Variants in PRKCA observed in about 807,000 individuals in gnomAD.
The protein encoded by PRKCA is protein kinase C alpha type.
Under a neutral mutation model 87.0 loss-of-function variants are expected in PRKCA, and 27 were observed. The observed-to-expected ratio is 0.31, with a 90% CI of 0.23 to 0.43. PRKCA has a LOEUF of 0.43. PRKCA is among the 20% of genes least tolerant of loss of function. The probability of loss-of-function intolerance (pLI) is 1.00; values close to 1 mark genes in which losing one functional copy is unlikely to be tolerated. For synonymous variants in PRKCA, 329 were observed against 311.1 expected (o/e 1.06, Z -0.61); for missense variants, 518 against 852.3 (o/e 0.61, Z 4.88).
chr17:66,338,345 T>C (rs1022078747), intron 2 of PRKCA, among the ~76,000 whole-genome samples: 7 of 152,180 alleles, frequency 4.6e-5, no homozygotes, highest in African/African-American at 1.7e-4. Context: ...TTTGACTTAC[T>C]GTGCAAAACC....
chr17:66,339,581 TTTAGATCCTTAATATTGTTCTTTCATTA>T (rs1795419914), intron 2 of PRKCA, among the ~76,000 whole-genome samples: 1 of 152,214 alleles, frequency 6.6e-6, no homozygotes, highest in South Asian at 2.1e-4. Flanking sequence ...TTCTGTTCAT[TTTAGATCCTTAATATTGTTCTTTCATTA>T]CTACTTGAGG....
intron 2 of PRKCA, among the ~76,000 whole-genome samples, chr17:66,475,818 A>G (rs780682546): frequency 2.0e-5 from 3 of 152,154 alleles, no homozygotes; most frequent in Non-Finnish European, 4.4e-5. Flanking sequence ...AGAGATTTTG[A>G]TTGCAGTCAA....
At chr17:66,796,504 G>C in intron 16 of PRKCA, 1 of 985,344 alleles carries the variant, frequency 1.0e-6, no homozygotes, top group Non-Finnish European at 1.2e-6. Flanking sequence ...CGGTGAGCAC[G>C]TTTCCAGAAC....
intron 2 of PRKCA, among the ~76,000 whole-genome samples, chr17:66,317,107 A>T (rs1277049871): frequency 6.6e-6 from 1 of 151,206 alleles, no homozygotes; most frequent in Non-Finnish European, 1.5e-5. Flanking sequence ...ACGCCACTGC[A>T]CTCCAGCCTG....
At chr17:66,411,874 A>G (rs1399767265) in intron 2 of PRKCA, among the ~76,000 whole-genome samples, 1 of 151,802 alleles carries the variant, frequency 6.6e-6, no homozygotes, top group African/African-American at 2.4e-5. Context: ...CTTTCTGGTA[A>G]TTTTTGAGAA....
Position 66,754,330 on chromosome 17 carries a change from T to A in PRKCA, c.1524+11570T>A, listed in dbSNP as rs564225454. On this transcript the variant is annotated intron_variant, in intron 13 of 16. Coordinates refer to ENST00000413366, the MANE Select transcript of PRKCA (RefSeq NM_002737.3). ...GAGGGCAGGGGCACCATCTCAGATG[T>A]CTTTGTCCCATTCACAGCTCCTTCT... Among the ~76,000 whole-genome samples the A allele has an allele frequency of 2.0e-3, 297 of 152,106 alleles. 3 individuals are homozygous for A. Among genetic ancestry groups the A allele is most frequent in the African/African-American group, 6.9e-3 (287 of 41,492 alleles).
intron 3 of PRKCA, among the ~76,000 whole-genome samples, chr17:66,560,252 T>A (rs1005419988): frequency 1.2e-4 from 18 of 146,852 alleles, no homozygotes; most frequent in African/African-American, 4.3e-4. Flanking sequence ...AAAAAAAAAA[T>A]ATGAAGAAAT....
chr17:66,773,723 C>G (rs1413536042), intron 13 of PRKCA, among the ~76,000 whole-genome samples: 1 of 152,078 alleles, frequency 6.6e-6, no homozygotes, highest in Non-Finnish European at 1.5e-5. Context: ...ATAATTAAAA[C>G]TACCTTCAGA....
At chr17:66,656,023 C>T (rs1971726275) in intron 5 of PRKCA, among the ~76,000 whole-genome samples, 2 of 152,112 alleles carry the variant, frequency 1.3e-5, no homozygotes, top group Non-Finnish European at 2.9e-5. Context: ...CATGCCATCC[C>T]ACAGATTGTT....
At chr17:66,602,893 C>T (rs1970091902) in intron 3 of PRKCA, among the ~76,000 whole-genome samples, 1 of 152,196 alleles carries the variant, frequency 6.6e-6, no homozygotes, top group Non-Finnish European at 1.5e-5. Flanking sequence ...GGCCTCTCCT[C>T]TTCCGGGGCG....
intron 2 of PRKCA, among the ~76,000 whole-genome samples, chr17:66,359,163 G>A (rs1271014141): frequency 1.3e-5 from 2 of 152,032 alleles, no homozygotes; most frequent in East Asian, 3.9e-4. Flanking sequence ...TTTGGGGAGA[G>A]CCAAGTAAAT....
intron 3 of PRKCA, among the ~76,000 whole-genome samples, chr17:66,613,430 A>G (rs1369500334): frequency 1.3e-5 from 2 of 152,214 alleles, no homozygotes; most frequent in Non-Finnish European, 2.9e-5. Context: ...AGACTCCACT[A>G]GTTTCCTAAA....
chr17:66,337,837 A>G (rs547372806), intron 2 of PRKCA, among the ~76,000 whole-genome samples: 1 of 152,186 alleles, frequency 6.6e-6, no homozygotes, highest in Non-Finnish European at 1.5e-5. Flanking sequence ...GCTTGACTCC[A>G]TGGAATTCTT....
chr17:66,764,326 C>T (rs1974750799), intron 13 of PRKCA, among the ~76,000 whole-genome samples: 1 of 152,208 alleles, frequency 6.6e-6, no homozygotes, highest in African/African-American at 2.4e-5. Context: ...AGTTAGAAAG[C>T]TCCTGGAGTC....
intron 2 of PRKCA, among the ~76,000 whole-genome samples, chr17:66,318,965 TA>T (rs1347032783): frequency 3.8e-3 from 23 of 6,018 alleles, no homozygotes; most frequent in Non-Finnish European, 2.1e-3. Context: ...TACAAAAAAA[TA>T]TTTTTTGTAA....
intron 2 of PRKCA, among the ~76,000 whole-genome samples, chr17:66,349,611 G>A (rs1420212444): frequency 3.3e-5 from 5 of 152,112 alleles, no homozygotes; most frequent in African/African-American, 7.2e-5. Flanking sequence ...TTGCCCATGC[G>A]GTAGACTCTG....
intron 9 of PRKCA, among the ~76,000 whole-genome samples, chr17:66,733,074 C>G (rs1371607159): frequency 6.6e-6 from 1 of 150,570 alleles, no homozygotes; most frequent in Non-Finnish European, 1.5e-5. Context: ...TGGCGTGAAC[C>G]TGGGAGGCGG....
At chr17:66,401,048 A>C (rs970840507) in intron 2 of PRKCA, among the ~76,000 whole-genome samples, 7 of 152,194 alleles carry the variant, frequency 4.6e-5, no homozygotes, top group African/African-American at 1.7e-4. Context: ...AAATGTTCTC[A>C]GTTCAGTTAA....
intron 2 of PRKCA, among the ~76,000 whole-genome samples, chr17:66,367,124 A>G (rs1172112307): frequency 2.0e-5 from 3 of 152,252 alleles, no homozygotes; most frequent in African/African-American, 4.8e-5. Context: ...ACTGGCCTCA[A>G]TTTGCAAACA....
Sources: allele counts gnomAD v4.1 joint callset (sites outside exome capture counted in the v4.1 genomes callset), GRCh38; gene constraint gnomAD v4.1.1; transcripts MANE v1.5; gene names NCBI Gene and HGNC (gene_info 2026-07-23, HGNC 2026-07-21).